CC2D2B: variants seen among roughly 807,000 people sequenced by gnomAD.
The protein encoded by CC2D2B is protein CC2D2B.
CC2D2B carries 128 observed loss-of-function variants against 161.2 expected under a neutral mutation model. The ratio of observed to expected loss-of-function variants is 0.79; its 90% confidence interval spans 0.69 to 0.92. CC2D2B has a LOEUF of 0.92. Among genes scored for constraint, CC2D2B ranks in the 40% least tolerant of loss-of-function variants. CC2D2B has a pLI of 0.00. For synonymous variants in CC2D2B, 391 were observed against 449.8 expected, an observed-to-expected ratio of 0.87 and a Z score of 1.65; for missense variants, 1,173 against 1,375.1, an observed-to-expected ratio of 0.85 and a Z score of 2.32.
At chr10:95,916,453 C>G (rs1007904027) in intron 2 of CC2D2B, among the ~76,000 whole-genome samples, 1 of 151,818 alleles carries the variant, frequency 6.6e-6, no homozygotes, top group East Asian at 1.9e-4. Flanking sequence ...TTGATTTGCT[C>G]TTGCTTTTCT....
chr10:95,926,842 G>GTGTGTGTGTGTGTGTGTGTGTT (rs1387231849), intron 5 of CC2D2B, among the ~76,000 whole-genome samples: 10 of 142,542 alleles, frequency 7.0e-5, no homozygotes, highest in Non-Finnish European at 1.6e-4. Context: ...GTGTGTGTGT[G>GTGTGTGTGTGTGTGTGTGTGTT]TGTGTCTGTG....
intron 24 of CC2D2B, among the ~76,000 whole-genome samples, chr10:95,998,405 T>A (rs1245151419): frequency 3.3e-5 from 5 of 152,188 alleles, no homozygotes; most frequent in African/African-American, 1.2e-4. Flanking sequence ...AAACATCCTG[T>A]GTGCTCTGTC....
chr10:95,958,572 GA>G (rs1274667675), intron 11 of CC2D2B, among the ~76,000 whole-genome samples: 1 of 151,488 alleles, frequency 6.6e-6, no homozygotes, highest in Non-Finnish European at 1.5e-5. Flanking sequence ...ATAGAAAATT[GA>G]AAAAGAGAAT....
intron 16 of CC2D2B, 65 bp downstream of exon 16, chr10:95,972,281 C>A: frequency 9.7e-7 from 1 of 1,027,280 alleles, no homozygotes; most frequent in Non-Finnish European, 1.2e-6. Flanking sequence ...CCTAAGTGAC[C>A]CTGGCTCACT....
At chr10:96,025,170 TATATATATATATA>T (rs2079662689) in intron 33 of CC2D2B, among the ~76,000 whole-genome samples, 1 of 19,326 alleles carries the variant, frequency 5.2e-5, no homozygotes. Flanking sequence ...TATATATATA[TATATATATATATA>T]TAAAAAAAAA....
At chr10:95,957,553 ATTTTTTTTTTT>A (rs869263327) in intron 11 of CC2D2B, among the ~76,000 whole-genome samples, 1 of 83,714 alleles carries the variant, frequency 1.2e-5, no homozygotes, top group Non-Finnish European at 2.2e-5. Flanking sequence ...GCTGACAATG[ATTTTTTTTTTT>A]TTTTTTTTTT....
At chr10:95,940,079 A>G (rs2141278305) in intron 9 of CC2D2B, among the ~76,000 whole-genome samples, 1 of 152,288 alleles carries the variant, frequency 6.6e-6, no homozygotes, top group South Asian at 2.1e-4. Flanking sequence ...GGGAGGCCTC[A>G]GGAAACTTGC....
At chr10:95,926,278 A>G (rs2098538266) in intron 5 of CC2D2B, among the ~76,000 whole-genome samples, 1 of 152,300 alleles carries the variant, frequency 6.6e-6, no homozygotes, top group Non-Finnish European at 1.5e-5. Context: ...ATTGGCTTCT[A>G]AGAAACACGA....
chr10:95,909,795 AAAG>A (rs2098502799), intron 1 of CC2D2B, among the ~76,000 whole-genome samples: 1 of 152,224 alleles, frequency 6.6e-6, no homozygotes, highest in Non-Finnish European at 1.5e-5. Flanking sequence ...ATTGTGCCAA[AAAG>A]AAGTCTGTGC....
rs778202971 is a variant in CC2D2B at position 96,032,857 on chromosome 10, G to A, written c.*849G>A. ...GGACTCTTTTTTTCCTTAGTGAGCA[G>A]CCCCCAACTCTGCCTCTGGCACTTT... On this transcript the variant is annotated 3_prime_UTR_variant, in exon 35 of 35. Coordinates refer to ENST00000646931, the MANE Select transcript of CC2D2B (RefSeq NM_001349008.3). The A allele has an allele frequency of 1.1e-5, 5 of 456,286 alleles. No individual in the cohort carries two copies. The highest frequency in any genetic ancestry group is 6.1e-5 in the African/African-American group (3 of 49,218). The allele number at this position is 456,286 out of a possible 1,614,324, so 28.3% of individuals were successfully genotyped here.
At chr10:95,961,037 G>C (rs1443436579) in intron 11 of CC2D2B, among the ~76,000 whole-genome samples, 2 of 152,120 alleles carry the variant, frequency 1.3e-5, no homozygotes, top group African/African-American at 4.8e-5. Flanking sequence ...GCATCATACT[G>C]CACCAAAGTA....
chr10:96,003,611 T>TGTGC (rs2078618825), intron 24 of CC2D2B, among the ~76,000 whole-genome samples: 1 of 150,682 alleles, frequency 6.6e-6, no homozygotes, highest in Non-Finnish European at 1.5e-5. Context: ...TGTGTGTGTG[T>TGTGC]GTGTGTGTGT....
In CC2D2B at chr10:95,928,232, T is replaced by TA. The variant is rs34003266; in HGVS notation, c.336+912dup. ...TTGTTATTGTTGTTTTTTGCACAATTAAAAAAAAAAAACTCTTAAAATTTT... is the reference window on the plus strand; with the variant it reads ...TTGTTATTGTTGTTTTTTGCACAATTAAAAAAAAAAAAACTCTTAAAATTTT... On this transcript the variant is annotated intron_variant, in intron 6 of 34. Transcript: ENST00000646931. Among the ~76,000 whole-genome samples the TA allele has an allele frequency of 9.3e-3, 1,385 of 149,640 alleles. 16 individuals carry two copies. Among genetic ancestry groups the TA allele is most frequent in the African/African-American group, 0.024 (987 of 40,928 alleles).
chr10:95,927,451 T>C, intron 6 of CC2D2B, 119 bp downstream of exon 6: 1 of 628,940 alleles, frequency 1.6e-6, no homozygotes, highest in Non-Finnish European at 2.8e-6. Context: ...GCCTTCATCT[T>C]CTCTTTGAAT....
chr10:95,912,123 T>C (rs2098507455), intron 2 of CC2D2B, among the ~76,000 whole-genome samples: 1 of 152,166 alleles, frequency 6.6e-6, no homozygotes, highest in African/African-American at 2.4e-5. Flanking sequence ...AAATTCATGT[T>C]TTTACTGTGA....
In CC2D2B at chr10:96,024,883, A is replaced by G; in HGVS notation, c.3919A>G (p.Lys1307Glu). The G allele has an allele frequency of 1.3e-6, 2 of 1,531,522 alleles. No homozygotes were observed. The highest frequency in any genetic ancestry group is 4.9e-5 in the East Asian group (2 of 40,550). 94.9% of individuals were successfully genotyped at this position (1,531,522 alleles called of 1,614,324 possible). The change falls in exon 33 of 35, where the codon AAA becomes GAA. Residue 1307 changes from lysine to glutamate, a missense_variant. By Grantham distance (56) the Lys-to-Glu change is moderately conservative (BLOSUM62 1). Around this residue, in one of 3 missense-constraint regions of CC2D2B, gnomAD observed 598 missense variants for 693.2 expected, o/e 0.86. Transcript: ENST00000646931. ...AGAAATAATTTATTTTGAAACTGATAAAAGCATGGTAGAAGATCTAAGGAA... is the reference window on the plus strand; with the variant it reads ...AGAAATAATTTATTTTGAAACTGATGAAAGCATGGTAGAAGATCTAAGGAA... ...PEEIIYFETD[K>E]SMVEDLRNRI...
At chr10:95,997,606 G>A (rs1324859548) in intron 24 of CC2D2B, among the ~76,000 whole-genome samples, 3 of 152,102 alleles carry the variant, frequency 2.0e-5, no homozygotes, top group Non-Finnish European at 4.4e-5. Context: ...CCAGGCTGGT[G>A]TCAAACTCCT....
intron 10 of CC2D2B, among the ~76,000 whole-genome samples, chr10:95,951,858 A>G (rs1285928892): frequency 1.3e-5 from 2 of 152,176 alleles, no homozygotes; most frequent in Non-Finnish European, 2.9e-5. Context: ...TTATTATTGT[A>G]TTAGGAACCA....
chr10:95,962,976 C>T (rs1055054865), intron 12 of CC2D2B, among the ~76,000 whole-genome samples: 19 of 152,022 alleles, frequency 1.2e-4, no homozygotes, highest in African/African-American at 4.6e-4. Flanking sequence ...TGGCTCTGGA[C>T]CCATATTGCC....
Sources: gnomAD v4.1 joint callset for allele counts (sites outside exome capture counted in the v4.1 genomes callset) on GRCh38, gnomAD v4.1.1 for gene constraint, gnomAD v4.1.1 regional missense constraint, MANE v1.5 for transcripts, NCBI Gene and HGNC (gene_info 2026-07-23, HGNC 2026-07-21) for gene names.